Variants in GABRA3 observed in about 807,000 individuals in gnomAD.
GABRA3 encodes the protein gamma-aminobutyric acid type A receptor subunit alpha3.
A neutral mutation model predicts 30.1 loss-of-function variants in GABRA3; 10 were observed. The observed-to-expected ratio is 0.33, with a 90% confidence interval of 0.20 to 0.56. The LOEUF is 0.56. Ranked by LOEUF, GABRA3 falls within the 20% of genes least tolerant of loss-of-function variation. GABRA3 has a pLI of 0.89. For synonymous variants in GABRA3, 151 were observed against 146.8 expected (o/e 1.03, Z -0.21); for missense variants, 233 against 392.0 (o/e 0.59, Z 3.42).
chrX:152,241,461 T>G (rs1359006412), intron 5 of GABRA3, among the ~76,000 whole-genome samples: 1 of 106,711 alleles, frequency 9.4e-6, no homozygotes, highest in East Asian at 2.9e-4. Flanking sequence ...TCTTTTTGTT[T>G]CTCTGTGCCC....
chrX:152,435,529 A>AG (rs1333514197), intron 1 of GABRA3, among the ~76,000 whole-genome samples: 1 of 100,925 alleles, frequency 9.9e-6, no homozygotes, highest in Non-Finnish European at 2.0e-5. Flanking sequence ...CTCACTCATA[A>AG]GGGGGAGTTG....
chrX:152,423,325 C>A (rs1930423600), intron 1 of GABRA3, among the ~76,000 whole-genome samples: 1 of 111,145 alleles, frequency 9.0e-6, no homozygotes, highest in Non-Finnish European at 1.9e-5. Flanking sequence ...ACAAACCTGA[C>A]AAATTTAAAG....
intron 1 of GABRA3, among the ~76,000 whole-genome samples, chrX:152,370,531 G>A (rs749295796): frequency 8.9e-6 from 1 of 112,014 alleles, no homozygotes; most frequent in African/African-American, 3.2e-5. Flanking sequence ...AAATTGGGCA[G>A]GTTATTTGAC....
chrX:152,348,158 A>G (rs895612775), intron 2 of GABRA3, among the ~76,000 whole-genome samples: 8 of 111,413 alleles, frequency 7.2e-5, no homozygotes, highest in Non-Finnish European at 1.3e-4. Flanking sequence ...CCTAAGTAGA[A>G]CTCTTTCTTA....
chrX:152,397,046 C>T (rs183292700), intron 1 of GABRA3, among the ~76,000 whole-genome samples: 6 of 111,807 alleles, frequency 5.4e-5, no homozygotes, highest in African/African-American at 9.7e-5. Flanking sequence ...CATAGAATCA[C>T]GCAACATATC....
chrX:152,286,314 C>A (rs1050533875), intron 3 of GABRA3, among the ~76,000 whole-genome samples: 1 of 109,083 alleles, frequency 9.2e-6, no homozygotes, highest in Admixed American at 1.0e-4. Context: ...CCCATTCCAG[C>A]GTACCTCAAA....
chrX:152,186,835 C>G, intron 9 of GABRA3: 1 of 111,034 alleles, frequency 9.0e-6, no homozygotes, highest in Non-Finnish European at 1.9e-5. Context: ...GTTGCCCAGG[C>G]TGGTCTCAAA....
intron 9 of GABRA3, among the ~76,000 whole-genome samples, chrX:152,183,694 T>A (rs1937216131): frequency 9.0e-6 from 1 of 111,544 alleles, no homozygotes; most frequent in South Asian, 3.7e-4. Flanking sequence ...TTTATTGCTA[T>A]AACCTTCCTT....
chrX:152,211,544 TA>T (rs1365921692), intron 6 of GABRA3, among the ~76,000 whole-genome samples: 3 of 111,199 alleles, frequency 2.7e-5, no homozygotes, highest in Admixed American at 9.6e-5. Context: ...GATGTGAATT[TA>T]AAAATAAAAA....
intron 1 of GABRA3, among the ~76,000 whole-genome samples, chrX:152,374,787 C>A (rs1280689105): frequency 8.9e-6 from 1 of 111,786 alleles, no homozygotes; most frequent in Non-Finnish European, 1.9e-5. Flanking sequence ...ACATTTAAGT[C>A]TTTTATCCAT....
At chrX:152,328,241 C>T (rs780317756) in intron 3 of GABRA3, among the ~76,000 whole-genome samples, 35 of 111,463 alleles carry the variant, frequency 3.1e-4, no homozygotes, top group African/African-American at 9.8e-4. Context: ...CAGGACCAGA[C>T]GGATTTACAG....
chrX:152,208,418 A>G (rs1937598820), intron 6 of GABRA3, among the ~76,000 whole-genome samples: 1 of 112,009 alleles, frequency 8.9e-6, no homozygotes, highest in African/African-American at 3.2e-5. Flanking sequence ...ACTGCCAATA[A>G]ACTTTTTCTT....
intron 3 of GABRA3, among the ~76,000 whole-genome samples, chrX:152,343,523 G>C (rs1225325758): frequency 9.2e-6 from 1 of 108,574 alleles, no homozygotes; most frequent in Admixed American, 9.9e-5. Flanking sequence ...GCACCACCCA[G>C]TGATACAAGC....
intron 1 of GABRA3, among the ~76,000 whole-genome samples, chrX:152,414,435 T>A (rs1930154757): frequency 9.0e-6 from 1 of 111,281 alleles, no homozygotes; most frequent in Non-Finnish European, 1.9e-5. Context: ...ACGATAAGAT[T>A]CTCGGCATCA....
intron 1 of GABRA3, among the ~76,000 whole-genome samples, chrX:152,377,022 T>C (rs1929016500): frequency 8.9e-6 from 1 of 112,007 alleles, no homozygotes; most frequent in African/African-American, 3.2e-5. Flanking sequence ...ATTATATACA[T>C]TGCTATTGAG....
chrX:152,400,659 T>C (rs1176226806), intron 1 of GABRA3, among the ~76,000 whole-genome samples: 1 of 111,890 alleles, frequency 8.9e-6, no homozygotes, highest in African/African-American at 3.2e-5. Context: ...TATGGAATAG[T>C]TGATAATCAA....
chrX:152,368,139 T>C (rs1364947780), intron 1 of GABRA3, among the ~76,000 whole-genome samples: 1 of 111,788 alleles, frequency 8.9e-6, no homozygotes, highest in Non-Finnish European at 1.9e-5. Flanking sequence ...TCCTCCCATT[T>C]CTTCCCATTT....
At chrX:152,383,014 GTAGTATCATATAAATT>G (rs1182333899) in intron 1 of GABRA3, among the ~76,000 whole-genome samples, 2 of 111,132 alleles carry the variant, frequency 1.8e-5, no homozygotes, top group Non-Finnish European at 3.8e-5. Context: ...TGGATCTTTT[GTAGTATCATATAAATT>G]TAATGATTTT....
chrX:152,387,006 A>C (rs1403505641), intron 1 of GABRA3, among the ~76,000 whole-genome samples: 3 of 106,911 alleles, frequency 2.8e-5, no homozygotes, highest in Non-Finnish European at 5.8e-5. Flanking sequence ...AGGGACATGG[A>C]TGAAATTGGA....
Sources: allele counts gnomAD v4.1 joint callset (sites outside exome capture counted in the v4.1 genomes callset), GRCh38; gene constraint gnomAD v4.1.1; transcripts MANE v1.5; gene names NCBI Gene and HGNC (gene_info 2026-07-23, HGNC 2026-07-21).